ARHGEF18: variants seen among roughly 807,000 people sequenced by gnomAD.
ARHGEF18 encodes Rho/Rac guanine nucleotide exchange factor 18.
In ARHGEF18, 93 loss-of-function variants were observed where a neutral mutation model predicts 155.7. The ratio of observed to expected loss-of-function variants is 0.60; its 90% CI spans 0.50 to 0.71. The LOEUF (loss-of-function observed/expected upper bound fraction) is 0.71, where lower values mean the gene tolerates loss of function less well. ARHGEF18 is among the 30% of genes least tolerant of loss of function. ARHGEF18 has a pLI of 0.00. For synonymous variants in ARHGEF18, 742 were observed against 753.1 expected (o/e 0.99, Z 0.24); for missense variants, 1,593 against 1,816.1 (o/e 0.88, Z 2.23).
At position 7,467,199 on chromosome 19, in the gene ARHGEF18, C is replaced by T; in HGVS notation, c.3010-15C>T. 6.3e-7 allele frequency: 1 copy of T among 1,583,008 alleles called. No homozygotes were observed. ...CAGGTGCGGCTCTCACTCGCCTGGC[C>T]CTGGCCCTCCGCAGGCGGTAATCGC... On this transcript the variant is annotated splice_polypyrimidine_tract_variant and intron_variant, in intron 25 of 28. Coordinates refer to ENST00000668164, the MANE Select transcript of ARHGEF18 (RefSeq NM_001367823.1).
At chr19:7,363,492 G>T (rs751639479) in intron 2 of ARHGEF18, among the ~76,000 whole-genome samples, 1 of 151,794 alleles carries the variant, frequency 6.6e-6, no homozygotes, top group Non-Finnish European at 1.5e-5. Context: ...GATGGTTGAT[G>T]AATGAAAGAG....
chr19:7,369,616 G>A (rs896273592), intron 2 of ARHGEF18, among the ~76,000 whole-genome samples: 1 of 151,944 alleles, frequency 6.6e-6, no homozygotes, highest in Non-Finnish European at 1.5e-5. Context: ...GGCCAAGATG[G>A]TGAAACTCTG....
At chr19:7,464,047 G>T in intron 22 of ARHGEF18, 92 bp downstream of exon 22, 1 of 1,439,870 alleles carries the variant, frequency 6.9e-7, no homozygotes, top group South Asian at 1.4e-5. Context: ...TTTCTTTTTT[G>T]TTGTTGTTGA....
At chr19:7,465,659 T>C (rs761852065) in intron 23 of ARHGEF18, among the ~76,000 whole-genome samples, 3 of 152,186 alleles carry the variant, frequency 2.0e-5, no homozygotes, top group Non-Finnish European at 4.4e-5. Flanking sequence ...TCCTCCTGCC[T>C]GGGCCTCCCA....
intron 5 of ARHGEF18, among the ~76,000 whole-genome samples, chr19:7,377,605 G>A (rs940782415): frequency 5.3e-5 from 8 of 151,956 alleles, no homozygotes; most frequent in African/African-American, 1.9e-4. Context: ...GCAACATGGC[G>A]AAACCTTGTC....
intron 10 of ARHGEF18, among the ~76,000 whole-genome samples, chr19:7,434,639 G>GA (rs1974153054): frequency 6.6e-6 from 1 of 152,144 alleles, no homozygotes. Flanking sequence ...TCTGCTGTAG[G>GA]AAAAACCGTA....
At chr19:7,409,057 CTTT>C (rs1013156166) in intron 10 of ARHGEF18, among the ~76,000 whole-genome samples, 3 of 115,528 alleles carry the variant, frequency 2.6e-5, no homozygotes, top group Admixed American at 8.8e-5. Flanking sequence ...GACCCTGTTT[CTTT>C]TTTTTTTTTT....
At chr19:7,464,418 C>G (rs77726361) in intron 22 of ARHGEF18, 142 bp from the exon 23 acceptor site, 11,634 of 1,002,218 alleles carry the variant, frequency 0.012, 166 homozygotes, top group African/African-American at 0.043. Context: ...CTGCCCCTCT[C>G]CAGCAGGCGT....
At chr19:7,398,704 A>AAAGAAGG (rs1555708478) in intron 10 of ARHGEF18, among the ~76,000 whole-genome samples, 5 of 147,076 alleles carry the variant, frequency 3.4e-5, no homozygotes, top group African/African-American at 1.3e-4. Flanking sequence ...AAAAAAAAAA[A>AAAGAAGG]AAATAAAGAA....
chr19:7,439,287 C>CG lies in ARHGEF18; in HGVS notation c.968-1057_968-1056insG, dbSNP rs200582018. Among the ~76,000 whole-genome samples, 324 of 151,096 alleles carry CG rather than the reference C, an allele frequency of 2.1e-3. 2 individuals are homozygous for CG. Among genetic ancestry groups the CG allele is most frequent in the African/African-American group, 6.8e-3 (281 of 41,028 alleles). On this transcript the variant is annotated intron_variant, in intron 10 of 28. Transcript: ENST00000668164. ...CCTGAGCAACATAGTGAGACCCCCC[C>CG]CCAACCTCTACAAGAAAATATTTTT...
At position 7,382,824 on chromosome 19, in the gene ARHGEF18, G is replaced by A; in HGVS notation, c.755G>A (p.Ser252Asn). ...GACGGTGCTGGCAAGAACGAGAAGA[G>A]TGACAAGAGTACCAGTGTGAAGCGC... ...SEDGAGKNEK[S>N]DKSTSVKRRL... Residue 252 changes from serine to asparagine, a missense_variant, in exon 9 of 29, where the codon AGT (serine) becomes AAT (asparagine). Transcript: ENST00000668164. 1.6e-6 allele frequency: 2 copies of A among 1,232,546 alleles called. No homozygotes were observed. Among genetic ancestry groups the A allele is most frequent in the Non-Finnish European group, 2.0e-6 (2 of 988,088 alleles). 76.4% of individuals were successfully genotyped at this position (1,232,546 alleles called of 1,614,324 possible).
chr19:7,358,520 A>C (rs914755697), intron 1 of ARHGEF18, among the ~76,000 whole-genome samples: 3 of 139,866 alleles, frequency 2.1e-5, no homozygotes, highest in African/African-American at 5.3e-5. Flanking sequence ...ATCCTTCTAC[A>C]CATCCACCCA....
chr19:7,378,527 G>C (rs1970569135), intron 6 of ARHGEF18, 76 bp downstream of exon 6: 2 of 1,174,464 alleles, frequency 1.7e-6, no homozygotes, highest in South Asian at 4.3e-5. Context: ...GAGGAGGGCT[G>C]CCAGGGTGCA....
In ARHGEF18 at chr19:7,470,741, G is replaced by A. The variant is rs904072833; in HGVS notation, c.*443G>A. 15 of 400,922 alleles carry A rather than the reference G, an allele frequency of 3.7e-5. No homozygotes were observed. In the South Asian group the frequency reaches 3.8e-4, roughly 10 times the overall value. 24.8% of individuals were successfully genotyped at this position (400,922 alleles called of 1,614,324 possible). A position where few individuals can be genotyped will look rare whatever the true frequency, so the allele number is the denominator to read the frequency against. On this transcript the variant is annotated 3_prime_UTR_variant, in exon 29 of 29. Coordinates refer to ENST00000668164, the MANE Select transcript of ARHGEF18 (RefSeq NM_001367823.1). The surrounding 1 kb of genome is among the most constrained non-coding windows in gnomAD (Gnocchi z 5.9). The stretch of plus-strand genomic sequence containing the variant: ...GCCGGGGCCACGCTCCACAGCCGCC[G>A]CGCGACAGTGGAGCCAAGGGTTAGG...
downstream of ARHGEF18, chr19:7,477,363 G>A: frequency 3.2e-6 from 5 of 1,559,492 alleles, no homozygotes; most frequent in Non-Finnish European, 4.3e-6. Context: ...AGGTCGGCCA[G>A]GTTGCTGAGA....
chr19:7,461,043 T>A (rs1382958952), intron 20 of ARHGEF18, among the ~76,000 whole-genome samples: 1 of 151,712 alleles, frequency 6.6e-6, no homozygotes, highest in Admixed American at 6.6e-5. Flanking sequence ...TGCCTCGGCC[T>A]CCCAAAGTGC....
chr19:7,434,434 CCT>C (rs1224244181), intron 10 of ARHGEF18, among the ~76,000 whole-genome samples: 1 of 152,170 alleles, frequency 6.6e-6, no homozygotes, highest in African/African-American at 2.4e-5. Flanking sequence ...TCACCGTTCA[CCT>C]CTTTCCATCC....
chr19:7,440,593 G>GAT lies in ARHGEF18; in HGVS notation c.1106+111_1106+112insAT. On this transcript the variant is annotated intron_variant, in intron 11 of 28. Coordinates refer to ENST00000668164, the MANE Select transcript of ARHGEF18 (RefSeq NM_001367823.1). The surrounding 1 kb of genome is among the most constrained non-coding windows in gnomAD (Gnocchi z 5.4). ...ACTTAGATCTGTGTGAATCCACACG[G>GAT]CAGCCCCCGTGCTAAGCAGAGAAAT... is the stretch of plus-strand genomic sequence containing the variant. 2.2e-6 allele frequency: 3 copies of GAT among 1,333,598 alleles called. No individual in the cohort carries two copies. Among genetic ancestry groups the GAT allele is most frequent in the Non-Finnish European group, 3.0e-6 (3 of 997,514 alleles). 82.6% of individuals were successfully genotyped at this position (1,333,598 alleles called of 1,614,324 possible). A position where few individuals can be genotyped will look rare whatever the true frequency, so the allele number is the denominator to read the frequency against.
At chr19:7,425,752 C>T (rs1230852077) in intron 10 of ARHGEF18, among the ~76,000 whole-genome samples, 2 of 151,118 alleles carry the variant, frequency 1.3e-5, no homozygotes, top group Non-Finnish European at 2.9e-5. Context: ...GTAATCTCAG[C>T]ACTTTGGGAG....
Sources: gnomAD v4.1 joint callset for allele counts (sites outside exome capture counted in the v4.1 genomes callset) on GRCh38, gnomAD v4.1.1 for gene constraint, Gnocchi (gnomAD v3.1) non-coding constraint, MANE v1.5 for transcripts, NCBI Gene and HGNC (gene_info 2026-07-23, HGNC 2026-07-21) for gene names.